The following DSE variants were observed in gnomAD, a reference collection of about 807,000 sequenced individuals.
DSE encodes the protein dermatan sulfate epimerase, also known as dermatan-sulfate epimerase.
Under a neutral mutation model 84.4 loss-of-function variants are expected in DSE, and 36 were observed. That is an observed-to-expected ratio of 0.43 (90% CI 0.33 to 0.56). The LOEUF is 0.56. DSE is among the 20% of genes least tolerant of loss of function. The probability of loss-of-function intolerance (pLI) is 0.06; values close to 1 mark genes in which losing one functional copy is unlikely to be tolerated. For missense variants in DSE, 862 were observed against 1,169.6 expected, an observed-to-expected ratio of 0.74 and a Z score of 3.84; for synonymous variants, 410 against 430.1, an observed-to-expected ratio of 0.95 and a Z score of 0.58.
At chr6:116,430,918 C>G in intron 3 of DSE, 36 bp from the exon 4 acceptor site, 1 of 1,607,634 alleles carries the variant, frequency 6.2e-7, no homozygotes, top group Non-Finnish European at 8.5e-7. Flanking sequence ...TTGTCACAGG[C>G]TTTAGTCATT....
chr6:116,441,129 A>G lies in DSE; in HGVS notation c.*3784A>G, dbSNP rs1260558831. On this transcript the variant is annotated 3_prime_UTR_variant, in exon 6 of 6. Transcript: ENST00000644252. ...ATGAAGTACTCATAAGTTTTCAAGA[A>G]ATGACTGATATAAATCATGTGTTCC... 6.6e-6 allele frequency: 1 copy of G among 152,192 alleles called. No individual in the cohort carries two copies. Among genetic ancestry groups the G allele is most frequent in the African/African-American group, 2.4e-5 (1 of 41,456 alleles). 9.4% of individuals were successfully genotyped at this position (152,192 alleles called of 1,614,324 possible). A position where few individuals can be genotyped will look rare whatever the true frequency, so the allele number is the denominator to read the frequency against.
At chr6:116,429,951 C>CAA (rs56696040) in intron 3 of DSE, among the ~76,000 whole-genome samples, 181 of 15,412 alleles carry the variant, frequency 0.012, 49 homozygotes, top group Middle Eastern at 0.028. Flanking sequence ...GACTCCGTCT[C>CAA]AAAAAAAAAA....
intron 2 of DSE, chr6:116,279,976 C>T: frequency 8.4e-7 from 1 of 1,186,484 alleles, no homozygotes; most frequent in South Asian, 1.3e-5. Flanking sequence ...CTCACGGTAT[C>T]GCGAGAACTT....
rs1784372701 is a variant in DSE at position 116,439,888 on chromosome 6, G to C, written c.*2543G>C. 6.6e-6 allele frequency: 1 copy of C among 152,214 alleles called. No homozygotes were observed. 9.4% of individuals were successfully genotyped at this position (152,214 alleles called of 1,614,324 possible). On this transcript the variant is annotated 3_prime_UTR_variant, in exon 6 of 6. Transcript: ENST00000644252. ...GCTTAGGAGTTCTGTGCTGCAGTGAGCTATGACTGTGCCACTGCACTCCAG... is the reference window on the plus strand; with the variant it reads ...GCTTAGGAGTTCTGTGCTGCAGTGACCTATGACTGTGCCACTGCACTCCAG...
intron 2 of DSE, among the ~76,000 whole-genome samples, chr6:116,326,225 A>G (rs911538590): frequency 6.6e-6 from 1 of 152,120 alleles, no homozygotes; most frequent in Non-Finnish European, 1.5e-5. Context: ...TATAGTAACC[A>G]GAAGACAGGC....
At chr6:116,396,265 C>G (rs563698561) in intron 1 of DSE, among the ~76,000 whole-genome samples, 1 of 152,194 alleles carries the variant, frequency 6.6e-6, no homozygotes, top group East Asian at 1.9e-4. Flanking sequence ...TGTAAACAAC[C>G]GAAACAGTCC....
In DSE at chr6:116,399,493, C is replaced by T. The variant is rs780478969; in HGVS notation, c.243C>T (p.Ser81=). The part of the protein sequence containing the change: ...LTEAVHTMLS[S]PLEYLPPWDP... ...AGGCTGTGCACACGATGCTGTCCAG[C>T]CCCTTGGAATACCTCCCTCCCTGGG... Residue 81 remains serine, a synonymous_variant, in exon 2 of 6, where the codon AGC becomes AGT. Transcript: ENST00000644252. 1.1e-5 allele frequency: 18 copies of T among 1,614,200 alleles called. No homozygotes were observed. Among genetic ancestry groups the T allele is most frequent in the Non-Finnish European group, 1.5e-5 (18 of 1,180,028 alleles).
At chr6:116,370,631 G>GC (rs1326855042), upstream of DSE, 1 of 736,054 alleles carries the variant, frequency 1.4e-6, no homozygotes, top group Non-Finnish European at 1.7e-6. Context: ...TGAGTCCTAA[G>GC]AAACTAGAAC....
intron 1 of DSE, among the ~76,000 whole-genome samples, chr6:116,379,825 TG>T (rs2114941919): frequency 6.6e-6 from 1 of 152,302 alleles, no homozygotes; most frequent in East Asian, 1.9e-4. Flanking sequence ...CATCTCAACT[TG>T]TTAAATTTCA....
rs373011437 is a variant in DSE, at chr6:116,295,670, T to C, written c.-54+36703T>C. On this transcript the variant is annotated intron_variant, in intron 2 of 3. Transcript: ENST00000430252. ...TTTTTGACACTGTTAGTTTCAGTTATTTTTCAAGGCATCACTAAACCCTGG... is the reference window on the plus strand; with the variant it reads ...TTTTTGACACTGTTAGTTTCAGTTACTTTTCAAGGCATCACTAAACCCTGG... Among the ~76,000 whole-genome samples the C allele has an allele frequency of 8.5e-5, 13 of 152,332 alleles. No individual in the cohort carries two copies. The East Asian group carries it at 1.5e-3, about 18-fold the overall frequency.
At chr6:116,318,843 G>A (rs547386139) in intron 2 of DSE, among the ~76,000 whole-genome samples, 13 of 152,240 alleles carry the variant, frequency 8.5e-5, no homozygotes, top group Admixed American at 7.8e-4. Context: ...TAATGCTAAC[G>A]TATCCTACAA....
In DSE at chr6:116,399,361, T is replaced by G. The variant is rs761328518; in HGVS notation, c.111T>G (p.Asn37Lys). Residue 37 changes from asparagine to lysine, a missense_variant, in exon 2 of 6, where the codon AAT becomes AAG. Transcript: ENST00000644252. Reference sequence around the variant, plus strand: ...CAGAAGTTATGATTCCCTTCACCAATGCCAACTACGACAGCCATCCCATGC... The same window carrying G: ...CAGAAGTTATGATTCCCTTCACCAAGGCCAACTACGACAGCCATCCCATGC... ...ENPEVMIPFT[N>K]ANYDSHPMLY... is the part of the protein sequence containing the mutation. The G allele has an allele frequency of 1.9e-6, 3 of 1,614,108 alleles. No homozygotes were observed. The highest frequency in any genetic ancestry group is 2.5e-6 in the Non-Finnish European group (3 of 1,180,036).
At chr6:116,411,455 T>C (rs1013729238) in intron 2 of DSE, among the ~76,000 whole-genome samples, 7 of 152,206 alleles carry the variant, frequency 4.6e-5, no homozygotes, top group African/African-American at 1.4e-4. Flanking sequence ...GAGGAGGGCA[T>C]CAGCTTGAGT....
chr6:116,295,095 G>A (rs1445949052), intron 2 of DSE, among the ~76,000 whole-genome samples: 1 of 152,122 alleles, frequency 6.6e-6, no homozygotes, highest in Non-Finnish European at 1.5e-5. Context: ...ATTCTACCAA[G>A]TACAAGCTGA....
intron 2 of DSE, among the ~76,000 whole-genome samples, chr6:116,416,307 C>A (rs1050552235): frequency 2.7e-5 from 4 of 149,514 alleles, no homozygotes; most frequent in African/African-American, 9.9e-5. Context: ...TCTTGGGGGA[C>A]TGTTATTTTG....
rs1266301922 is a variant in DSE, at chr6:116,438,433, C to T, written c.*1088C>T. The T allele has an allele frequency of 6.6e-6, 1 of 152,008 alleles. No homozygotes were observed. The highest frequency in any genetic ancestry group is 1.5e-5 in the Non-Finnish European group (1 of 67,934). The allele number at this position is 152,008 out of a possible 1,614,324, so 9.4% of individuals were successfully genotyped here. A position where few individuals can be genotyped will look rare whatever the true frequency, so the allele number is the denominator to read the frequency against. Reference sequence around the variant, plus strand: ...AGAAGTATTTTCTCTGCTTATTAACCTTAATTGTTGTTTAAGCATATTTTA... The same window carrying T: ...AGAAGTATTTTCTCTGCTTATTAACTTTAATTGTTGTTTAAGCATATTTTA... On this transcript the variant is annotated 3_prime_UTR_variant, in exon 6 of 6. Transcript: ENST00000644252.
chr6:116,377,464 G>A (rs762428518), intron 1 of DSE, among the ~76,000 whole-genome samples: 2 of 152,152 alleles, frequency 1.3e-5, no homozygotes, highest in Admixed American at 1.3e-4. Flanking sequence ...CATTAGTGTT[G>A]TGTAAGTTTT....
intron 2 of DSE, among the ~76,000 whole-genome samples, chr6:116,301,445 C>T (rs938335303): frequency 6.6e-6 from 1 of 152,144 alleles, no homozygotes; most frequent in Non-Finnish European, 1.5e-5. Context: ...TGTATTATCT[C>T]TTCTATTAGA....
intron 2 of DSE, among the ~76,000 whole-genome samples, chr6:116,343,514 G>A (rs961073255): frequency 2.6e-5 from 4 of 152,190 alleles, no homozygotes; most frequent in African/African-American, 9.7e-5. Context: ...AGCATCCACT[G>A]GTGATACCCA....
Sources: allele counts gnomAD v4.1 joint callset (sites outside exome capture counted in the v4.1 genomes callset), GRCh38; gene constraint gnomAD v4.1.1; transcripts MANE v1.5; gene names NCBI Gene and HGNC (gene_info 2026-07-23, HGNC 2026-07-21).